NDC80: variants seen among roughly 807,000 people sequenced by gnomAD.
The protein encoded by NDC80 is NDC80 kinetochore complex component.
Under a neutral mutation model 89.3 loss-of-function variants are expected in NDC80, and 69 were observed. The observed-to-expected ratio is 0.77, with a 90% CI of 0.64 to 0.94. The LOEUF (loss-of-function observed/expected upper bound fraction) is 0.94, where lower values mean the gene tolerates loss of function less well. Ranked by LOEUF, NDC80 falls within the 40% of genes least tolerant of loss-of-function variation. NDC80 has a pLI of 0.00. For synonymous variants in NDC80, 243 were observed against 255.6 expected, an observed-to-expected ratio of 0.95 and a Z score of 0.47; for missense variants, 593 against 739.6, an observed-to-expected ratio of 0.80 and a Z score of 2.30.
At position 2,581,697 on chromosome 18, in the gene NDC80, A is replaced by T. The variant is rs544046747; in HGVS notation, c.579+2668A>T. On this transcript the variant is annotated intron_variant, in intron 6 of 16. Coordinates refer to ENST00000261597, the MANE Select transcript of NDC80 (RefSeq NM_006101.3). The stretch of plus-strand genomic sequence containing the variant: ...ATTTTCCCCACAGTTTTGAACTGTC[A>T]CTAGTATGTTCTTAATTAAACCTAT... 3.9e-5 allele frequency among the ~76,000 whole-genome samples: 6 copies of T among 152,324 alleles called. No homozygotes were observed. The South Asian group carries it at 1.2e-3, about 32-fold the overall frequency.
At position 2,616,504 on chromosome 18, in the gene NDC80, C is replaced by A. The variant is rs757440370; in HGVS notation, c.1859C>A (p.Ser620Ter). 4 of 1,512,692 alleles carry A rather than the reference C, an allele frequency of 2.6e-6. No homozygotes were observed. The highest frequency in any genetic ancestry group is 2.7e-6 in the Non-Finnish European group (3 of 1,116,244). 93.7% of individuals were successfully genotyped at this position (1,512,692 alleles called of 1,614,324 possible). The change falls in exon 17 of 17, where the codon TCG (serine) becomes TAG (stop). Residue 620 changes from serine (S) to a stop codon, truncating the protein, a stop_gained. Coordinates refer to ENST00000261597, the MANE Select transcript of NDC80 (RefSeq NM_006101.3). LOFTEE classifies it high-confidence loss of function. Reference protein sequence around the residue: ...EYEECMSEDLSENIKEIRDKY... With the variant: ...EYEECMSEDL The stretch of plus-strand genomic sequence containing the variant: ...GAAGAATGCATGTCAGAAGATCTCT[C>A]GGAAAATATTAAAGAGATTAGAGAT...
chr18:2,610,851 G>C lies in NDC80; in HGVS notation c.1781G>C (p.Gly594Ala). The change falls in exon 16 of 17, where the codon GGG becomes GCG. Residue 594 changes from glycine to alanine, a missense_variant. Transcript: ENST00000261597. ...RLLEMVATHV[G>A]SVEKHLEEQI... ...TTAGAGATGGTTGCTACACATGTTGGGTCTGTAGAGGTAAGTATGTGATGG... is the reference window on the plus strand; with the variant it reads ...TTAGAGATGGTTGCTACACATGTTGCGTCTGTAGAGGTAAGTATGTGATGG... The C allele has an allele frequency of 6.5e-7, 1 of 1,541,486 alleles. No homozygotes were observed. The highest frequency in any genetic ancestry group is 8.8e-7 in the Non-Finnish European group (1 of 1,132,198).
At chr18:2,614,476 AAAGAAAGGAAGGAAGGAAGGAAGG>A (rs1800716044) in intron 16 of NDC80, 1 of 4,272 alleles carries the variant, frequency 2.3e-4, no homozygotes, top group Non-Finnish European at 4.2e-4. Flanking sequence ...AGAAAGAAAG[AAAGAAAGGAAGGAAGGAAGGAAGG>A]AAGGAAGGAA....
At chr18:2,605,327 TGTA>T in intron 13 of NDC80, among the ~76,000 whole-genome samples, 1 of 116,598 alleles carries the variant, frequency 8.6e-6, no homozygotes, top group Non-Finnish European at 1.9e-5. Flanking sequence ...TGTGTGTGTG[TGTA>T]TGTACACAAT....
chr18:2,615,127 T>G (rs1428473798), intron 16 of NDC80: 2 of 152,232 alleles, frequency 1.3e-5, no homozygotes, highest in African/African-American at 4.8e-5. Flanking sequence ...AAGAGTACAT[T>G]TCTGTTGTTT....
intron 6 of NDC80, among the ~76,000 whole-genome samples, chr18:2,580,447 G>T (rs1023926526): frequency 1.3e-5 from 2 of 151,540 alleles, no homozygotes; most frequent in African/African-American, 2.4e-5. Flanking sequence ...CCTACTTAGT[G>T]CTAGAATTCC....
chr18:2,608,663 T>A (rs1177212676), intron 14 of NDC80, 37 bp from the exon 15 acceptor site: 1 of 1,581,760 alleles, frequency 6.3e-7, no homozygotes, highest in South Asian at 1.1e-5. Context: ...AGAATGTGAA[T>A]ATCAAGAAAC....
At chr18:2,614,783 T>C (rs1481051681) in intron 16 of NDC80, among the ~76,000 whole-genome samples, 1 of 152,192 alleles carries the variant, frequency 6.6e-6, no homozygotes, top group East Asian at 1.9e-4. Context: ...ATGTCTATCC[T>C]AAATCACAGA....
chr18:2,583,158 A>G (rs750007425), intron 6 of NDC80, among the ~76,000 whole-genome samples: 1 of 152,206 alleles, frequency 6.6e-6, no homozygotes, highest in Non-Finnish European at 1.5e-5. Context: ...TTATATCTAT[A>G]ATTACAGGTT....
In NDC80 at chr18:2,614,566, AAAG is replaced by A. The variant is rs2072768363; in HGVS notation, c.1792-1868_1792-1866del. ...AAGGAAGGAAGGAAGGAAGGAAGGG[AAAG>A]AAAGAAAGAAAGAAAGAAAGAAAGA... is the stretch of plus-strand genomic sequence containing the variant. On this transcript the variant is annotated intron_variant, in intron 16 of 16. Transcript: ENST00000261597. 1.4e-3 allele frequency: 3 copies of A among 2,120 alleles called. 1 individual carries two copies. The highest frequency in any genetic ancestry group is 8.1e-4 in the Non-Finnish European group (1 of 1,238). The allele number at this position is 2,120 out of a possible 1,614,324, so 0.1% of individuals were successfully genotyped here. A position where few individuals can be genotyped will look rare whatever the true frequency, so the allele number is the denominator to read the frequency against.
At chr18:2,598,980 G>C in intron 11 of NDC80, 39 bp from the exon 12 acceptor site, 2 of 1,474,012 alleles carry the variant, frequency 1.4e-6, no homozygotes, top group Non-Finnish European at 1.8e-6. Context: ...ATATGGAATG[G>C]GGCTGCTTTA....
In NDC80 at chr18:2,590,161, A is replaced by G. The variant is rs34616574; in HGVS notation, c.1014A>G (p.Val338=). The G allele has an allele frequency of 7.9e-5, 125 of 1,586,854 alleles. 1 individual carries two copies. In the African/African-American group the frequency reaches 1.4e-3, roughly 17 times the overall value. The change falls in exon 10 of 17, where the codon GTA becomes GTG. Residue 338 remains valine (V), a splice_region_variant and synonymous_variant. Coordinates refer to ENST00000261597, the MANE Select transcript of NDC80 (RefSeq NM_006101.3). Reference sequence around the variant, plus strand: ...GTCTCAATGAGGAAATTGCTAGAGTAGGTAAGCAGAGCTAATGCTAAAAGA... The same window carrying G: ...GTCTCAATGAGGAAATTGCTAGAGTGGGTAAGCAGAGCTAATGCTAAAAGA... ...LNGLNEEIAR[V]ELECETIKQE... is the part of the protein sequence containing the mutation.
In NDC80 at chr18:2,608,813, A is replaced by T; in HGVS notation, c.1671A>T (p.Leu557Phe). ...GGCTCAGTGAAGCTATGAATGAATT[A>T]GATGCTGTTCAGCGGGAGTAAGTTT... ...NQGLSEAMNE[L>F]DAVQREYQLV... The change falls in exon 15 of 17, where the codon TTA becomes TTT. Residue 557 changes from leucine to phenylalanine, a missense_variant. Transcript: ENST00000261597. The T allele has an allele frequency of 6.2e-7, 1 of 1,611,034 alleles. No individual in the cohort carries two copies. The highest frequency in any genetic ancestry group is 8.5e-7 in the Non-Finnish European group (1 of 1,177,702).
chr18:2,584,955 A>G (rs991586910), intron 6 of NDC80, among the ~76,000 whole-genome samples, 158 bp from the exon 7 acceptor site: 16 of 152,248 alleles, frequency 1.1e-4, no homozygotes, highest in Non-Finnish European at 2.2e-4. Context: ...AAAGAAAGTC[A>G]AAAGTGTTAA....
intron 10 of NDC80, among the ~76,000 whole-genome samples, chr18:2,590,920 T>C (rs2072624539): frequency 6.6e-6 from 1 of 152,194 alleles, no homozygotes; most frequent in Non-Finnish European, 1.5e-5. Flanking sequence ...TTTGTTTTTT[T>C]TGAGATGAAG....
intron 7 of NDC80, among the ~76,000 whole-genome samples, chr18:2,585,473 A>G (rs2072599085): frequency 6.6e-6 from 1 of 152,188 alleles, no homozygotes; most frequent in Admixed American, 6.5e-5. Context: ...AAAGTATTGA[A>G]TAGCTCTTGT....
intron 16 of NDC80, among the ~76,000 whole-genome samples, chr18:2,615,589 A>C (rs1307299330): frequency 6.6e-6 from 1 of 152,196 alleles, no homozygotes; most frequent in Non-Finnish European, 1.5e-5. Flanking sequence ...TTCTTTTGCT[A>C]TGTAAGCTAA....
chr18:2,596,943 G>A (rs1004253862), intron 11 of NDC80, among the ~76,000 whole-genome samples: 2 of 151,720 alleles, frequency 1.3e-5, no homozygotes, highest in Non-Finnish European at 2.9e-5. Context: ...ACCAAACACC[G>A]CATATTCTCA....
chr18:2,614,019 A>G (rs2072758631), intron 16 of NDC80, among the ~76,000 whole-genome samples: 1 of 152,252 alleles, frequency 6.6e-6, no homozygotes, highest in Admixed American at 6.5e-5. Flanking sequence ...AGTATATGTC[A>G]TATTCCACAC....
Sources: allele counts gnomAD v4.1 joint callset (sites outside exome capture counted in the v4.1 genomes callset), GRCh38; gene constraint gnomAD v4.1.1; transcripts MANE v1.5; gene names NCBI Gene and HGNC (gene_info 2026-07-23, HGNC 2026-07-21).